The following KCNH8 variants were observed in gnomAD, a reference collection of about 807,000 sequenced individuals.
The protein encoded by KCNH8 is potassium voltage-gated channel subfamily H member 8, also known as voltage-gated delayed rectifier potassium channel KCNH8.
A neutral mutation model predicts 103.6 loss-of-function variants in KCNH8; 70 were observed. The ratio of observed to expected loss-of-function variants is 0.68; its 90% CI spans 0.56 to 0.82. KCNH8 has a LOEUF of 0.82. Ranked by LOEUF, KCNH8 falls within the 40% of genes least tolerant of loss-of-function variation. The pLI, the probability that KCNH8 is intolerant of heterozygous loss-of-function variation, is 0.00. For missense variants in KCNH8, 1,217 were observed against 1,329.9 expected (o/e 0.92, Z 1.32); for synonymous variants, 498 against 489.4 (o/e 1.02, Z -0.23).
At chr3:19,266,339 T>C (rs1219676714) in intron 2 of KCNH8, among the ~76,000 whole-genome samples, 1 of 152,108 alleles carries the variant, frequency 6.6e-6, no homozygotes, top group Admixed American at 6.6e-5. Context: ...AAATCTTCCA[T>C]ATTCTAACTT....
chr3:19,186,082 CT>C (rs1294807143), intron 1 of KCNH8, among the ~76,000 whole-genome samples: 1 of 151,736 alleles, frequency 6.6e-6, no homozygotes, highest in Non-Finnish European at 1.5e-5. Flanking sequence ...ACTAAGTATG[CT>C]TTAAAAAACA....
At chr3:19,284,869 TAAA>T (rs1263075004) in intron 3 of KCNH8, among the ~76,000 whole-genome samples, 3 of 96,452 alleles carry the variant, frequency 3.1e-5, no homozygotes. Flanking sequence ...GTCCTTTTTA[TAAA>T]AAAAAAAAAG....
intron 1 of KCNH8, among the ~76,000 whole-genome samples, chr3:19,214,762 A>T (rs1279317133): frequency 2.0e-5 from 3 of 152,228 alleles, no homozygotes; most frequent in African/African-American, 7.2e-5. Flanking sequence ...ACAGTGCTAG[A>T]AGATAGTGAA....
At chr3:19,359,447 A>T (rs1382370002) in intron 5 of KCNH8, among the ~76,000 whole-genome samples, 1 of 152,072 alleles carries the variant, frequency 6.6e-6, no homozygotes, top group Admixed American at 6.6e-5. Flanking sequence ...AGAAACTGAT[A>T]AACTAGCACA....
At chr3:19,325,348 A>C (rs1575528234) in intron 3 of KCNH8, among the ~76,000 whole-genome samples, 1 of 151,294 alleles carries the variant, frequency 6.6e-6, no homozygotes, top group Non-Finnish European at 1.5e-5. Flanking sequence ...ATGGGACCTA[A>C]TTAAACTAAA....
intron 5 of KCNH8, among the ~76,000 whole-genome samples, chr3:19,363,119 G>A (rs1277292897): frequency 6.6e-6 from 1 of 152,060 alleles, no homozygotes; most frequent in South Asian, 2.1e-4. Context: ...AGGAGCGGAG[G>A]CTTTTTCAGG....
intron 13 of KCNH8, among the ~76,000 whole-genome samples, chr3:19,514,561 A>C (rs2068841209): frequency 6.6e-6 from 1 of 151,886 alleles, no homozygotes. Flanking sequence ...GTAGTAGATT[A>C]CAGGTGATTT....
chr3:19,448,876 G>C (rs556782638), intron 8 of KCNH8: 30 of 646,150 alleles, frequency 4.6e-5, no homozygotes, highest in Middle Eastern at 5.9e-4. Flanking sequence ...ATATTACTTA[G>C]AGTTGAATTA....
chr3:19,262,015 A>G (rs2064443182), intron 2 of KCNH8, among the ~76,000 whole-genome samples: 1 of 151,678 alleles, frequency 6.6e-6, no homozygotes, highest in South Asian at 2.1e-4. Flanking sequence ...CTATAGCTTT[A>G]TAATATAATT....
At chr3:19,387,997 A>T (rs939260102) in intron 5 of KCNH8, among the ~76,000 whole-genome samples, 1 of 151,836 alleles carries the variant, frequency 6.6e-6, no homozygotes. Flanking sequence ...GTAACTAACC[A>T]CACAGCTTTA....
At chr3:19,229,248 C>A (rs912281356) in intron 1 of KCNH8, among the ~76,000 whole-genome samples, 1 of 152,232 alleles carries the variant, frequency 6.6e-6, no homozygotes, top group African/African-American at 2.4e-5. Context: ...TCTCACAGCT[C>A]CACTAGGTGG....
chr3:19,406,952 G>A (rs1031343660), intron 7 of KCNH8, among the ~76,000 whole-genome samples: 2 of 152,132 alleles, frequency 1.3e-5, no homozygotes, highest in Admixed American at 6.5e-5. Flanking sequence ...AGAAGAAGAG[G>A]GGAACAACAG....
intron 1 of KCNH8, among the ~76,000 whole-genome samples, chr3:19,226,727 G>A (rs922306256): frequency 6.6e-6 from 1 of 152,148 alleles, no homozygotes. Flanking sequence ...AAGCTCAGTT[G>A]GGTGCCATTC....
intron 15 of KCNH8, among the ~76,000 whole-genome samples, chr3:19,522,842 CA>C (rs1176179925): frequency 6.6e-6 from 1 of 151,738 alleles, no homozygotes; most frequent in Non-Finnish European, 1.5e-5. Context: ...TTTCCCATAG[CA>C]AAAGATGTCA....
chr3:19,421,431 G>A (rs1293137313), intron 7 of KCNH8, among the ~76,000 whole-genome samples: 2 of 152,076 alleles, frequency 1.3e-5, no homozygotes, highest in Non-Finnish European at 2.9e-5. Context: ...CAACCTGTAT[G>A]ACTGTTAGGT....
intron 1 of KCNH8, among the ~76,000 whole-genome samples, chr3:19,160,378 A>C (rs2063222142): frequency 6.6e-6 from 1 of 151,956 alleles, no homozygotes; most frequent in African/African-American, 2.4e-5. Context: ...ATATTAAATC[A>C]CTCCTTTTAA....
At chr3:19,466,741 G>A (rs762959508) in intron 11 of KCNH8, among the ~76,000 whole-genome samples, 7 of 128,974 alleles carry the variant, frequency 5.4e-5, no homozygotes, top group Admixed American at 1.9e-4. Context: ...TCAGCTTACT[G>A]AGATCCATCT....
intron 2 of KCNH8, among the ~76,000 whole-genome samples, chr3:19,275,921 A>C (rs2064664036): frequency 6.6e-6 from 1 of 152,136 alleles, no homozygotes; most frequent in South Asian, 2.1e-4. Flanking sequence ...TGTTGGCAGT[A>C]GCATGGGAGG....
At chr3:19,481,494 T>G (rs1180364124) in intron 11 of KCNH8, among the ~76,000 whole-genome samples, 2 of 152,152 alleles carry the variant, frequency 1.3e-5, no homozygotes, top group Non-Finnish European at 2.9e-5. Context: ...GACTCAAAAT[T>G]GGATAAGACT....
Sources: allele counts gnomAD v4.1 joint callset (sites outside exome capture counted in the v4.1 genomes callset), GRCh38; gene constraint gnomAD v4.1.1; transcripts MANE v1.5; gene names NCBI Gene and HGNC (gene_info 2026-07-23, HGNC 2026-07-21).